Variants in ACTR2 observed in about 807,000 individuals in gnomAD.
The protein encoded by ACTR2 is actin-related protein 2.
ACTR2 carries 5 observed loss-of-function variants against 50.2 expected under a neutral mutation model. The observed-to-expected ratio is 0.10, with a 90% CI of 0.05 to 0.21. The LOEUF (loss-of-function observed/expected upper bound fraction) is 0.21, where lower values mean the gene tolerates loss of function less well. Among genes scored for constraint, ACTR2 ranks in the 10% least tolerant of loss-of-function variants. ACTR2 has a pLI of 1.00. For synonymous variants in ACTR2, 140 were observed against 162.9 expected (o/e 0.86, Z 1.07); for missense variants, 180 against 480.6 (o/e 0.37, Z 5.85).
In ACTR2 at chr2:65,270,100, A is replaced by T. The variant is rs1426528007; in HGVS notation, c.*1366A>T. ...TCTGAAAAAAATACCAAATAGTACC[A>T]TACATGAGTTATTTCTAAGTTTGAA... On this transcript the variant is annotated 3_prime_UTR_variant, in exon 9 of 9. Transcript: ENST00000260641. The T allele has an allele frequency of 6.6e-6, 1 of 152,228 alleles. No homozygotes were observed. 9.4% of individuals were successfully genotyped at this position (152,228 alleles called of 1,614,324 possible).
At chr2:65,248,349 G>A (rs1352625796) in intron 3 of ACTR2, among the ~76,000 whole-genome samples, 2 of 151,942 alleles carry the variant, frequency 1.3e-5, no homozygotes, top group Non-Finnish European at 2.9e-5. Context: ...GCAGTGAGCC[G>A]AGATTACACC....
intron 4 of ACTR2, among the ~76,000 whole-genome samples, chr2:65,251,916 G>T (rs923557184): frequency 6.6e-6 from 1 of 151,558 alleles, no homozygotes; most frequent in Non-Finnish European, 1.5e-5. Flanking sequence ...TATTGGCCAC[G>T]TTGGGAGAGC....
At chr2:65,268,521 CTG>C (rs762512287) in intron 8 of ACTR2, 41 bp from the exon 9 acceptor site, 1 of 1,557,152 alleles carries the variant, frequency 6.4e-7, no homozygotes. Flanking sequence ...GCAGAAAGCA[CTG>C]TGCACATGTA....
At chr2:65,264,254 A>C (rs975307963) in intron 7 of ACTR2, among the ~76,000 whole-genome samples, 4 of 152,250 alleles carry the variant, frequency 2.6e-5, no homozygotes, top group African/African-American at 7.2e-5. Flanking sequence ...CTGTATTTCA[A>C]CTGCTTAGTT....
rs140271703 is a variant in ACTR2 at position 65,256,594 on chromosome 2, G to A, written c.735+900G>A. On this transcript the variant is annotated intron_variant, in intron 6 of 8. Coordinates refer to ENST00000260641, the MANE Select transcript of ACTR2 (RefSeq NM_005722.4). ...AATTATAAAAAATTTGTTGTTGGCC[G>A]GGCGCGGTGGCTCACGCCTGTAATC... Among the ~76,000 whole-genome samples, 52 of 152,152 alleles carry A rather than the reference G, an allele frequency of 3.4e-4. No individual in the cohort carries two copies. In the East Asian group the frequency reaches 6.2e-3, roughly 18 times the overall value.
chr2:65,255,315 A>G (rs866346263), intron 5 of ACTR2, among the ~76,000 whole-genome samples: 26 of 152,334 alleles, frequency 1.7e-4, no homozygotes, highest in African/African-American at 6.0e-4. Context: ...TGACTTTTCT[A>G]GTCATTTTAC....
intron 2 of ACTR2, 61 bp from the exon 3 acceptor site, chr2:65,246,463 T>G: frequency 8.7e-7 from 1 of 1,143,886 alleles, no homozygotes; most frequent in South Asian, 1.6e-5. Context: ...AATTAATTAT[T>G]CCCAAGTTTT....
At chr2:65,257,579 G>A (rs939762163) in intron 6 of ACTR2, among the ~76,000 whole-genome samples, 22 of 152,140 alleles carry the variant, frequency 1.4e-4, no homozygotes, top group Non-Finnish European at 2.2e-4. Context: ...GTGTAAAAGC[G>A]TTCCTATTTC....
At chr2:65,266,666 C>T (rs1159892773) in intron 8 of ACTR2, among the ~76,000 whole-genome samples, 1 of 151,522 alleles carries the variant, frequency 6.6e-6, no homozygotes, top group South Asian at 2.1e-4. Context: ...CAAAGGTGGG[C>T]ATAGAGAGAC....
intron 4 of ACTR2, among the ~76,000 whole-genome samples, chr2:65,252,501 T>C (rs543048129): frequency 6.6e-6 from 1 of 151,816 alleles, no homozygotes; most frequent in African/African-American, 2.4e-5. Context: ...AAAAATTAGC[T>C]GGGCATGGTG....
intron 1 of ACTR2, among the ~76,000 whole-genome samples, chr2:65,238,503 C>T (rs528336514): frequency 2.0e-5 from 3 of 150,584 alleles, no homozygotes; most frequent in African/African-American, 7.3e-5. Context: ...ACTAAAAATA[C>T]AAAAAATTAG....
chr2:65,240,455 T>C (rs1671819289), intron 2 of ACTR2, among the ~76,000 whole-genome samples: 1 of 152,174 alleles, frequency 6.6e-6, no homozygotes. Flanking sequence ...TTCATTAATA[T>C]AACTTATTTC....
chr2:65,235,305 A>G (rs893439780), intron 1 of ACTR2, among the ~76,000 whole-genome samples: 3 of 152,188 alleles, frequency 2.0e-5, no homozygotes, highest in African/African-American at 4.8e-5. Context: ...TTAAGAAGAC[A>G]CTGAGAAAAA....
At chr2:65,240,355 T>G (rs1339958425) in intron 2 of ACTR2, among the ~76,000 whole-genome samples, 2 of 152,230 alleles carry the variant, frequency 1.3e-5, no homozygotes, top group African/African-American at 4.8e-5. Context: ...CCTTAGACTT[T>G]TTCTTTTCAT....
intron 2 of ACTR2, chr2:65,241,953 G>A: frequency 6.6e-7 from 1 of 1,519,108 alleles, no homozygotes; most frequent in Non-Finnish European, 9.1e-7. Context: ...TCTATTGCTT[G>A]TATGTTTAAA....
At chr2:65,236,228 A>G (rs1324714478) in intron 1 of ACTR2, among the ~76,000 whole-genome samples, 5 of 151,960 alleles carry the variant, frequency 3.3e-5, no homozygotes, top group African/African-American at 1.2e-4. Context: ...AGTCCCAGCT[A>G]CTTGGGAGGC....
intron 2 of ACTR2, among the ~76,000 whole-genome samples, chr2:65,243,494 A>G (rs1217598824): frequency 6.6e-6 from 1 of 152,046 alleles, no homozygotes; most frequent in Non-Finnish European, 1.5e-5. Flanking sequence ...GTAACCAGGC[A>G]TAGTGATATG....
intron 6 of ACTR2, among the ~76,000 whole-genome samples, chr2:65,258,476 G>T (rs1672196193): frequency 6.6e-6 from 1 of 152,112 alleles, no homozygotes; most frequent in Non-Finnish European, 1.5e-5. Context: ...TAGTTGAGAG[G>T]TTGAGGTGGG....
intron 1 of ACTR2, among the ~76,000 whole-genome samples, chr2:65,232,614 TTAAA>T (rs1671660432): frequency 6.6e-6 from 1 of 152,116 alleles, no homozygotes; most frequent in Non-Finnish European, 1.5e-5. Context: ...AAAATAAATA[TTAAA>T]TAAGCCCAAA....
Sources: allele counts gnomAD v4.1 joint callset (sites outside exome capture counted in the v4.1 genomes callset), GRCh38; gene constraint gnomAD v4.1.1; transcripts MANE v1.5; gene names NCBI Gene and HGNC (gene_info 2026-07-23, HGNC 2026-07-21).